PLXDC2: variants seen among roughly 807,000 people sequenced by gnomAD.
The protein encoded by PLXDC2 is plexin domain-containing protein 2.
A neutral mutation model predicts 68.9 loss-of-function variants in PLXDC2; 40 were observed. That is an observed-to-expected ratio of 0.58 (90% CI 0.45 to 0.76). The LOEUF (loss-of-function observed/expected upper bound fraction) is 0.76. PLXDC2 is among the 30% of genes least tolerant of loss of function. The pLI is 0.00. For synonymous variants in PLXDC2, 243 were observed against 234.2 expected (o/e 1.04, Z -0.34); for missense variants, 644 against 661.9 (o/e 0.97, Z 0.30).
intron 1 of PLXDC2, among the ~76,000 whole-genome samples, chr10:19,827,128 T>C (rs1285269210): frequency 6.6e-6 from 1 of 152,210 alleles, no homozygotes; most frequent in Non-Finnish European, 1.5e-5. Flanking sequence ...AGCTAGAATT[T>C]CTGGGTTATT....
At chr10:20,037,143 T>C (rs1446169012) in intron 2 of PLXDC2, among the ~76,000 whole-genome samples, 1 of 152,200 alleles carries the variant, frequency 6.6e-6, no homozygotes, top group Non-Finnish European at 1.5e-5. Context: ...ACAGTGCCTA[T>C]TTAGAGTCAG....
chr10:20,269,638 A>G (rs1201266026), intron 13 of PLXDC2, among the ~76,000 whole-genome samples: 1 of 152,170 alleles, frequency 6.6e-6, no homozygotes, highest in Non-Finnish European at 1.5e-5. Flanking sequence ...TTTACTATAG[A>G]TGGAAGATAT....
chr10:19,895,017 G>T (rs2131362974), intron 1 of PLXDC2, among the ~76,000 whole-genome samples: 1 of 152,254 alleles, frequency 6.6e-6, no homozygotes, highest in East Asian at 1.9e-4. Context: ...GTAAAGTCTT[G>T]GAACCAACCC....
chr10:20,050,702 AAAAC>A (rs1835883393), intron 3 of PLXDC2, among the ~76,000 whole-genome samples: 2 of 151,814 alleles, frequency 1.3e-5, no homozygotes, highest in South Asian at 4.1e-4. Context: ...AGTAAAAAAA[AAAAC>A]AAAAACAAAA....
intron 10 of PLXDC2, among the ~76,000 whole-genome samples, chr10:20,216,919 T>G (rs944009595): frequency 6.6e-6 from 1 of 152,070 alleles, no homozygotes; most frequent in Non-Finnish European, 1.5e-5. Context: ...AACAAAATTT[T>G]AGACATTCAT....
chr10:19,947,707 C>CTTTTTTTTTTTTTTTTTTTTT (rs34439585), intron 1 of PLXDC2, among the ~76,000 whole-genome samples: 3 of 120,972 alleles, frequency 2.5e-5, no homozygotes, highest in East Asian at 2.3e-4. Flanking sequence ...TTCTTTCTTT[C>CTTTTTTTTTTTTTTTTTTTTT]TTTTTTTTTT....
At chr10:20,066,853 T>G (rs1005555660) in intron 3 of PLXDC2, among the ~76,000 whole-genome samples, 2 of 152,202 alleles carry the variant, frequency 1.3e-5, no homozygotes, top group Non-Finnish European at 2.9e-5. Flanking sequence ...TTGGGAGAGA[T>G]ATAATATAGC....
chr10:19,884,380 T>A (rs528177759), intron 1 of PLXDC2, among the ~76,000 whole-genome samples: 2 of 152,290 alleles, frequency 1.3e-5, no homozygotes, highest in Non-Finnish European at 2.9e-5. Context: ...TACTTTGAGT[T>A]TTAGGGTGCA....
At chr10:19,953,787 A>G (rs1186249195) in intron 1 of PLXDC2, among the ~76,000 whole-genome samples, 1 of 152,132 alleles carries the variant, frequency 6.6e-6, no homozygotes, top group Non-Finnish European at 1.5e-5. Context: ...AATTTTTATT[A>G]CAAAGTTTCC....
intron 3 of PLXDC2, among the ~76,000 whole-genome samples, chr10:20,052,263 A>G (rs1459378449): frequency 6.6e-6 from 1 of 152,094 alleles, no homozygotes; most frequent in Admixed American, 6.6e-5. Context: ...TATTAGCCTG[A>G]GCTTTCCAAA....
intron 1 of PLXDC2, among the ~76,000 whole-genome samples, chr10:19,841,573 T>C (rs1185609536): frequency 6.6e-6 from 1 of 151,076 alleles, no homozygotes; most frequent in African/African-American, 2.4e-5. Context: ...TGCCTATCTG[T>C]CTATCTATCA....
At chr10:20,095,171 T>C (rs4748637) in intron 4 of PLXDC2, among the ~76,000 whole-genome samples, 107,195 of 152,090 alleles carry the variant, frequency 0.7, 39,924 homozygotes, top group East Asian at 1. Flanking sequence ...AAATTATTAA[T>C]GGTATAAGTT....
intron 1 of PLXDC2, among the ~76,000 whole-genome samples, chr10:19,852,704 G>A (rs1471497284): frequency 3.3e-5 from 5 of 152,040 alleles, no homozygotes; most frequent in Non-Finnish European, 5.9e-5. Context: ...GGATGATATC[G>A]TGGACTTTGT....
At chr10:19,849,183 G>A (rs760589852) in intron 1 of PLXDC2, among the ~76,000 whole-genome samples, 4 of 152,052 alleles carry the variant, frequency 2.6e-5, no homozygotes, top group African/African-American at 9.7e-5. Flanking sequence ...CAAGTTTATT[G>A]TAGATAATGG....
chr10:19,868,534 ACT>A (rs913280662), intron 1 of PLXDC2, among the ~76,000 whole-genome samples: 55 of 152,296 alleles, frequency 3.6e-4, no homozygotes, highest in Admixed American at 7.8e-4. Context: ...TCATTTTCTG[ACT>A]CTATAAAATT....
intron 1 of PLXDC2, among the ~76,000 whole-genome samples, chr10:19,893,117 C>G (rs1045942173): frequency 6.6e-6 from 1 of 152,054 alleles, no homozygotes; most frequent in Non-Finnish European, 1.5e-5. Context: ...ATCTTATCGG[C>G]TTATGCACGC....
chr10:20,070,586 G>A (rs905734597), intron 4 of PLXDC2, among the ~76,000 whole-genome samples: 12 of 152,166 alleles, frequency 7.9e-5, no homozygotes, highest in African/African-American at 2.7e-4. Context: ...GAAAAGGGAA[G>A]AGGAAAATTG....
At chr10:20,210,400 G>A (rs11011873) in intron 9 of PLXDC2, among the ~76,000 whole-genome samples, 5,873 of 152,176 alleles carry the variant, frequency 0.039, 373 homozygotes, top group African/African-American at 0.13. Flanking sequence ...CCTAAAAGGA[G>A]CGACTATGGT....
intron 13 of PLXDC2, among the ~76,000 whole-genome samples, chr10:20,255,956 T>A (rs1336022132): frequency 6.6e-6 from 1 of 152,246 alleles, no homozygotes. Flanking sequence ...CTGTCTTACA[T>A]CACATAGTAA....
Sources: allele counts gnomAD v4.1 joint callset (sites outside exome capture counted in the v4.1 genomes callset), GRCh38; gene constraint gnomAD v4.1.1; transcripts MANE v1.5; gene names NCBI Gene and HGNC (gene_info 2026-07-23, HGNC 2026-07-21).